The following TMEM177 variants were observed in gnomAD, a reference collection of about 807,000 sequenced individuals.
TMEM177 encodes the protein transmembrane protein 177.
In TMEM177, 4 loss-of-function variants were observed where a neutral mutation model predicts 14.2. The observed-to-expected ratio is 0.28, with a 90% confidence interval of 0.14 to 0.64. The LOEUF (loss-of-function observed/expected upper bound fraction) is 0.64, where lower values mean the gene tolerates loss of function less well. TMEM177 is among the 30% of genes least tolerant of loss of function. TMEM177 has a pLI of 0.82. For synonymous variants in TMEM177, 179 were observed against 174.5 expected, an observed-to-expected ratio of 1.03 and a Z score of -0.20; for missense variants, 344 against 405.2, an observed-to-expected ratio of 0.85 and a Z score of 1.30.
chr2:119,685,542 T>C, downstream of TMEM177: 1 of 653,620 alleles, frequency 1.5e-6, no homozygotes. Context: ...GTCCCTATAG[T>C]AACATAATGG....
chr2:119,682,108 C>A lies in TMEM177; in HGVS notation c.*319C>A. 1 of 254,462 alleles carries A rather than the reference C, an allele frequency of 3.9e-6. No homozygotes were observed. The highest frequency in any genetic ancestry group is 8.3e-5 in the East Asian group (1 of 12,062). The allele number at this position is 254,462 out of a possible 1,614,324, so 15.8% of individuals were successfully genotyped here. On this transcript the variant is annotated 3_prime_UTR_variant, in exon 2 of 2. Coordinates refer to ENST00000272521, the MANE Select transcript of TMEM177 (RefSeq NM_030577.3). ...AAAGGGTGCACTGTAAATAAACAGA[C>A]ATCCCTCCTTCTTGGTCGTTTTTTT...
the TMEM177 span, chr2:119,698,540 C>T: frequency 6.5e-6 from 1 of 152,892 alleles, no homozygotes; most frequent in Non-Finnish European, 1.5e-5. Flanking sequence ...AATGACCAAA[C>T]TTCAGGGTGA....
At chr2:119,689,210 C>T (rs1260090528), downstream of TMEM177, among the ~76,000 whole-genome samples, 2 of 152,210 alleles carry the variant, frequency 1.3e-5, no homozygotes, top group Non-Finnish European at 2.9e-5. Context: ...AGGACCTCCA[C>T]TAACACGGTT....
chr2:119,709,024 T>A, the TMEM177 span, among the ~76,000 whole-genome samples: 1 of 152,248 alleles, frequency 6.6e-6, no homozygotes, highest in Non-Finnish European at 1.5e-5. Context: ...ATAAATAATA[T>A]GTCATCACTC....
At chr2:119,723,565 C>T in the TMEM177 span, among the ~76,000 whole-genome samples, 1 of 152,184 alleles carries the variant, frequency 6.6e-6, no homozygotes, top group Non-Finnish European at 1.5e-5. Context: ...GAGAAAAAGG[C>T]CCAGCACACA....
At chr2:119,693,164 G>A in the TMEM177 span, among the ~76,000 whole-genome samples, 1 of 152,064 alleles carries the variant, frequency 6.6e-6, no homozygotes, top group Non-Finnish European at 1.5e-5. Context: ...GAGGTAGGGG[G>A]TCACAGGTCA....
chr2:119,693,496 G>A, the TMEM177 span, among the ~76,000 whole-genome samples: 9 of 152,160 alleles, frequency 5.9e-5, no homozygotes, highest in African/African-American at 2.2e-4. Context: ...CCTGGCCCTT[G>A]TTAAATGCAG....
chr2:119,708,691 T>G, the TMEM177 span, among the ~76,000 whole-genome samples: 1 of 142,892 alleles, frequency 7.0e-6, no homozygotes, highest in African/African-American at 2.8e-5. Context: ...ACACACACAG[T>G]CGCACTGGCA....
the TMEM177 span, among the ~76,000 whole-genome samples, chr2:119,701,406 G>C: frequency 3.3e-5 from 5 of 152,150 alleles, no homozygotes; most frequent in Admixed American, 3.3e-4. Flanking sequence ...TCCTAACTGA[G>C]GCCCTGGGAG....
At chr2:119,701,314 A>C in the TMEM177 span, among the ~76,000 whole-genome samples, 1 of 152,252 alleles carries the variant, frequency 6.6e-6, no homozygotes, top group Non-Finnish European at 1.5e-5. Context: ...CAACAGGAGC[A>C]AAAGAGAGGA....
At chr2:119,688,948 G>A (rs1238708608), downstream of TMEM177, among the ~76,000 whole-genome samples, 1 of 152,210 alleles carries the variant, frequency 6.6e-6, no homozygotes, top group Non-Finnish European at 1.5e-5. Context: ...GGACAGTACT[G>A]CTGCAAGTGG....
At chr2:119,693,067 T>C in the TMEM177 span, among the ~76,000 whole-genome samples, 2 of 150,112 alleles carry the variant, frequency 1.3e-5, no homozygotes, top group African/African-American at 2.5e-5. Flanking sequence ...TACACAAAGC[T>C]GAAGGCAGTG....
the TMEM177 span, among the ~76,000 whole-genome samples, chr2:119,701,541 C>T: frequency 2.0e-5 from 3 of 152,242 alleles, no homozygotes; most frequent in South Asian, 4.1e-4. Flanking sequence ...CTCTCCTTAC[C>T]TGTTCTTTCA....
At chr2:119,704,364 C>A in the TMEM177 span, among the ~76,000 whole-genome samples, 1 of 152,154 alleles carries the variant, frequency 6.6e-6, no homozygotes, top group African/African-American at 2.4e-5. Context: ...GTTTGGGAGG[C>A]TGAGGTGGGT....
the TMEM177 span, among the ~76,000 whole-genome samples, chr2:119,711,296 A>G: frequency 5.3e-5 from 8 of 152,338 alleles, no homozygotes; most frequent in South Asian, 1.7e-3. Context: ...AAAGATCTGG[A>G]GAAAAAATAG....
At chr2:119,685,779 T>G, downstream of TMEM177, 1 of 716,562 alleles carries the variant, frequency 1.4e-6, no homozygotes, top group Non-Finnish European at 2.6e-6. Context: ...ACACTAAATT[T>G]ATACTGTCCT....
At chr2:119,694,280 C>CCACACACA in the TMEM177 span, among the ~76,000 whole-genome samples, 13 of 149,798 alleles carry the variant, frequency 8.7e-5, no homozygotes, top group East Asian at 6.1e-4. Flanking sequence ...GTGTGGTATA[C>CCACACACA]CACACACACA....
chr2:119,710,037 G>C, the TMEM177 span, among the ~76,000 whole-genome samples: 1 of 152,260 alleles, frequency 6.6e-6, no homozygotes, highest in East Asian at 1.9e-4. Flanking sequence ...GTTTTCTTTG[G>C]GGGTGATTAA....
chr2:119,719,586 C>T, the TMEM177 span, among the ~76,000 whole-genome samples: 1 of 152,108 alleles, frequency 6.6e-6, no homozygotes, highest in East Asian at 1.9e-4. Context: ...ATGCACAGAA[C>T]AAAACACTCT....
Sources: gnomAD v4.1 joint callset for allele counts (sites outside exome capture counted in the v4.1 genomes callset) on GRCh38, gnomAD v4.1.1 for gene constraint, MANE v1.5 for transcripts, NCBI Gene and HGNC (gene_info 2026-07-23, HGNC 2026-07-21) for gene names.